GRIN2B: variants seen among roughly 807,000 people sequenced by gnomAD.
GRIN2B encodes the protein glutamate receptor ionotropic, NMDA 2B.
In GRIN2B, 5 loss-of-function variants were observed where a neutral mutation model predicts 114.5. The ratio of observed to expected loss-of-function variants is 0.04; its 90% CI spans 0.02 to 0.09. The LOEUF is 0.09. GRIN2B is among the 10% of genes least tolerant of loss of function. The pLI is 1.00. For missense variants in GRIN2B, 1,108 were observed against 1,943.5 expected (o/e 0.57, Z 8.08); for synonymous variants, 787 against 745.1 (o/e 1.06, Z -0.92).
intron 13 of GRIN2B, among the ~76,000 whole-genome samples, chr12:13,565,058 T>C (rs1948620080): frequency 6.6e-6 from 1 of 152,248 alleles, no homozygotes; most frequent in Non-Finnish European, 1.5e-5. Flanking sequence ...CCATGTTCTA[T>C]GGACACTGAG....
At chr12:13,827,950 G>A (rs1035682204) in intron 3 of GRIN2B, among the ~76,000 whole-genome samples, 1 of 152,352 alleles carries the variant, frequency 6.6e-6, no homozygotes, top group African/African-American at 2.4e-5. Context: ...AAAGTGCTGG[G>A]ATTCCAGGCG....
chr12:13,963,834 G>C (rs1487573592), intron 2 of GRIN2B, among the ~76,000 whole-genome samples: 1 of 152,202 alleles, frequency 6.6e-6, no homozygotes, highest in Non-Finnish European at 1.5e-5. Context: ...ACCAGCCCAG[G>C]ATCCTGAGGG....
intron 2 of GRIN2B, among the ~76,000 whole-genome samples, chr12:13,936,177 T>C (rs1248309458): frequency 6.6e-6 from 1 of 152,156 alleles, no homozygotes; most frequent in African/African-American, 2.4e-5. Flanking sequence ...TTCCAAGATT[T>C]TCTAGACAGC....
intron 4 of GRIN2B, among the ~76,000 whole-genome samples, chr12:13,694,839 AT>A (rs1238079095): frequency 6.6e-6 from 1 of 151,776 alleles, no homozygotes; most frequent in Non-Finnish European, 1.5e-5. Flanking sequence ...CACTACTCAC[AT>A]TACTTTTTCC....
intron 2 of GRIN2B, among the ~76,000 whole-genome samples, chr12:13,922,353 A>G (rs1025743510): frequency 5.3e-5 from 8 of 152,152 alleles, no homozygotes; most frequent in Non-Finnish European, 1.0e-4. Flanking sequence ...GGTGGAGAGA[A>G]AAAAACTAGC....
intron 10 of GRIN2B, among the ~76,000 whole-genome samples, chr12:13,584,746 G>C (rs1948896471): frequency 6.6e-6 from 1 of 152,208 alleles, no homozygotes; most frequent in Non-Finnish European, 1.5e-5. Context: ...CCAAAAATGT[G>C]ACAGAGTTAG....
intron 4 of GRIN2B, among the ~76,000 whole-genome samples, chr12:13,728,447 TA>T (rs1259651565): frequency 6.6e-6 from 1 of 152,158 alleles, no homozygotes; most frequent in African/African-American, 2.4e-5. Context: ...ATTTTCCTTA[TA>T]TATGTTTTAA....
chr12:13,878,815 G>A lies in GRIN2B; in HGVS notation c.-18-12589C>T, dbSNP rs370156873. 7.9e-5 allele frequency among the ~76,000 whole-genome samples: 12 copies of A among 152,224 alleles called. No homozygotes were observed. The South Asian group carries it at 1.0e-3, about 13-fold the overall frequency. ...AGACTATTTCAAGAGAACAACCGTCGGGAGCCAGCATTTTGAGAATGAGAA... is the reference window on the plus strand; with the variant it reads ...AGACTATTTCAAGAGAACAACCGTCAGGAGCCAGCATTTTGAGAATGAGAA... On this transcript the variant is annotated intron_variant, in intron 2 of 13. Coordinates refer to ENST00000609686, the MANE Select transcript of GRIN2B (RefSeq NM_000834.5).
intron 5 of GRIN2B, among the ~76,000 whole-genome samples, chr12:13,654,547 C>T (rs1180698346): frequency 6.6e-6 from 1 of 152,146 alleles, no homozygotes; most frequent in Non-Finnish European, 1.5e-5. Flanking sequence ...CAATGATATA[C>T]AGAACAGTCT....
At chr12:13,913,911 G>A (rs1232141486) in intron 2 of GRIN2B, among the ~76,000 whole-genome samples, 1 of 152,130 alleles carries the variant, frequency 6.6e-6, no homozygotes, top group Non-Finnish European at 1.5e-5. Flanking sequence ...GTAGCTGAGA[G>A]GATTAAATAA....
chr12:13,671,115 C>CT (rs975611626), intron 5 of GRIN2B, among the ~76,000 whole-genome samples: 3 of 152,060 alleles, frequency 2.0e-5, no homozygotes, highest in Non-Finnish European at 2.9e-5. Context: ...AGAGGACTTT[C>CT]TTTTTACTGG....
intron 4 of GRIN2B, among the ~76,000 whole-genome samples, chr12:13,735,849 T>C (rs921959598): frequency 1.3e-5 from 2 of 151,970 alleles, no homozygotes; most frequent in Non-Finnish European, 2.9e-5. Context: ...CAACCGAGTG[T>C]GGAGAAGTAG....
chr12:13,794,240 AAAGAAAAAGAAAAATC>A, intron 3 of GRIN2B, among the ~76,000 whole-genome samples: 1 of 151,686 alleles, frequency 6.6e-6, no homozygotes, highest in Admixed American at 6.6e-5. Context: ...GAAAAGAAAA[AAAGAAAAAGAAAAATC>A]AAGAAAAAGA....
intron 9 of GRIN2B, 45 bp from the exon 10 acceptor site, chr12:13,608,877 T>C: frequency 1.4e-6 from 2 of 1,421,220 alleles, no homozygotes; most frequent in Non-Finnish European, 2.0e-6. Context: ...CCATTGTGGC[T>C]GGTTCTGTTG....
At chr12:13,810,919 C>T (rs948141481) in intron 3 of GRIN2B, among the ~76,000 whole-genome samples, 15 of 152,218 alleles carry the variant, frequency 9.9e-5, no homozygotes, top group African/African-American at 3.6e-4. Context: ...TACATCTCTA[C>T]AGATAACCAT....
chr12:13,594,363 T>C (rs1184035833), intron 10 of GRIN2B, among the ~76,000 whole-genome samples: 6 of 152,184 alleles, frequency 3.9e-5, no homozygotes, highest in Non-Finnish European at 8.8e-5. Flanking sequence ...GATCAGTTCA[T>C]GTCCTTTGCA....
chr12:13,616,759 AG>A, intron 5 of GRIN2B, 102 bp from the exon 6 acceptor site: 1 of 911,356 alleles, frequency 1.1e-6, no homozygotes, highest in Non-Finnish European at 1.8e-6. Context: ...GTTGAACAAA[AG>A]CCAACAAGTG....
At chr12:13,932,978 TGTG>T (rs1867062820) in intron 2 of GRIN2B, among the ~76,000 whole-genome samples, 1 of 144,650 alleles carries the variant, frequency 6.9e-6, no homozygotes, top group Non-Finnish European at 1.5e-5. Context: ...TGTGTGTGTG[TGTG>T]TGTGTGCGTG....
chr12:13,691,550 C>T (rs1950215063), intron 4 of GRIN2B, among the ~76,000 whole-genome samples: 1 of 147,648 alleles, frequency 6.8e-6, no homozygotes, highest in South Asian at 2.2e-4. Context: ...ATTTCTTTAC[C>T]CCCTTTTCCA....
Sources: allele counts gnomAD v4.1 joint callset (sites outside exome capture counted in the v4.1 genomes callset), GRCh38; gene constraint gnomAD v4.1.1; transcripts MANE v1.5; gene names NCBI Gene and HGNC (gene_info 2026-07-23, HGNC 2026-07-21).